PTPRT: variants seen among roughly 807,000 people sequenced by gnomAD.
PTPRT encodes receptor-type tyrosine-protein phosphatase T.
In PTPRT, 56 loss-of-function variants were observed where a neutral mutation model predicts 176.8. That is an observed-to-expected ratio of 0.32 (90% CI 0.26 to 0.40). PTPRT has a LOEUF of 0.40. Among genes scored for constraint, PTPRT ranks in the 10% least tolerant of loss-of-function variants. The pLI is 1.00. For synonymous variants in PTPRT, 783 were observed against 739.0 expected, an observed-to-expected ratio of 1.06 and a Z score of -0.96; for missense variants, 1,540 against 1,908.2, an observed-to-expected ratio of 0.81 and a Z score of 3.60.
At chr20:42,169,792 A>ACACACACACACACACACAC (rs781141603) in intron 16 of PTPRT, among the ~76,000 whole-genome samples, 1 of 95,350 alleles carries the variant, frequency 1.0e-5, no homozygotes, top group Non-Finnish European at 2.4e-5. Flanking sequence ...ACACACACAC[A>ACACACACACACACACACAC]ACAGTCAGTA....
At chr20:42,279,989 C>T (rs537095533) in intron 13 of PTPRT, among the ~76,000 whole-genome samples, 1 of 144,184 alleles carries the variant, frequency 6.9e-6, no homozygotes, top group South Asian at 2.2e-4. Flanking sequence ...AGGGAAGAGC[C>T]TTGGGAGAGA....
At chr20:42,333,748 G>T (rs768458991) in intron 11 of PTPRT, among the ~76,000 whole-genome samples, 2 of 152,064 alleles carry the variant, frequency 1.3e-5, no homozygotes, top group Admixed American at 6.6e-5. Flanking sequence ...GTGCAATCTC[G>T]GCTCAGAGCA....
intron 5 of PTPRT, among the ~76,000 whole-genome samples, chr20:42,762,900 C>T (rs2076934446): frequency 6.6e-6 from 1 of 152,194 alleles, no homozygotes; most frequent in Non-Finnish European, 1.5e-5. Context: ...TTGCCTTGCT[C>T]TTTAAAAACA....
At chr20:42,525,281 C>T (rs1327231790) in intron 7 of PTPRT, among the ~76,000 whole-genome samples, 8 of 152,100 alleles carry the variant, frequency 5.3e-5, no homozygotes, top group African/African-American at 9.7e-5. Flanking sequence ...TCATTGTTCC[C>T]GGCTCATCTT....
chr20:43,051,887 G>A (rs1376761755), intron 1 of PTPRT, among the ~76,000 whole-genome samples: 1 of 151,786 alleles, frequency 6.6e-6, no homozygotes, highest in Non-Finnish European at 1.5e-5. Context: ...ATGCCTCCAA[G>A]GGAACCAAAA....
chr20:42,556,048 G>C (rs2072855589), intron 7 of PTPRT, among the ~76,000 whole-genome samples: 1 of 152,170 alleles, frequency 6.6e-6, no homozygotes, highest in South Asian at 2.1e-4. Context: ...GCCCAGAGAA[G>C]TGATGTAACT....
chr20:42,084,308 C>T (rs771448132), intron 29 of PTPRT, among the ~76,000 whole-genome samples: 2 of 152,214 alleles, frequency 1.3e-5, no homozygotes, highest in African/African-American at 4.8e-5. Flanking sequence ...TGCCCCTGCA[C>T]AATAGTGTTC....
intron 5 of PTPRT, among the ~76,000 whole-genome samples, chr20:42,769,428 T>C (rs2077031246): frequency 6.6e-6 from 1 of 152,144 alleles, no homozygotes; most frequent in East Asian, 1.9e-4. Context: ...CGTGCTCCCA[T>C]TACACACCTA....
chr20:42,464,289 G>C (rs920981828), intron 8 of PTPRT, among the ~76,000 whole-genome samples: 6 of 152,180 alleles, frequency 3.9e-5, no homozygotes, highest in Non-Finnish European at 7.3e-5. Flanking sequence ...GATTACCAGA[G>C]TGAACAACAC....
intron 14 of PTPRT, among the ~76,000 whole-genome samples, chr20:42,246,762 A>G (rs2056459035): frequency 6.6e-6 from 1 of 152,358 alleles, no homozygotes; most frequent in Non-Finnish European, 1.5e-5. Flanking sequence ...GGCAAAGAAT[A>G]ATAAAATTTC....
chr20:42,673,369 AT>A (rs1048340637), intron 7 of PTPRT, among the ~76,000 whole-genome samples: 3 of 152,148 alleles, frequency 2.0e-5, no homozygotes, highest in Admixed American at 2.0e-4. Context: ...CTTACAGCAA[AT>A]TTCTAGGCTC....
At chr20:42,207,191 A>G (rs1159962138) in intron 15 of PTPRT, among the ~76,000 whole-genome samples, 1 of 152,158 alleles carries the variant, frequency 6.6e-6, no homozygotes, top group Admixed American at 6.5e-5. Flanking sequence ...AAAGATGGGG[A>G]AAAAACAGAA....
chr20:43,122,701 A>G (rs2867602), intron 1 of PTPRT, among the ~76,000 whole-genome samples: 72,867 of 152,052 alleles, frequency 0.48, 20,248 homozygotes, highest in Non-Finnish European at 0.64. Context: ...CTGGCTCCCC[A>G]TTCACCTTCC....
intron 12 of PTPRT, among the ~76,000 whole-genome samples, chr20:42,311,618 G>C (rs961807774): frequency 3.3e-5 from 5 of 152,016 alleles, no homozygotes; most frequent in Admixed American, 3.3e-4. Flanking sequence ...CAGAAATATG[G>C]GTAATTCTGA....
chr20:42,370,391 T>C (rs965090804), intron 9 of PTPRT, among the ~76,000 whole-genome samples: 1 of 152,204 alleles, frequency 6.6e-6, no homozygotes, highest in Non-Finnish European at 1.5e-5. Flanking sequence ...CATGCTGCCC[T>C]GCCTGGACAT....
intron 13 of PTPRT, among the ~76,000 whole-genome samples, chr20:42,265,360 T>C (rs779356041): frequency 6.6e-6 from 1 of 152,214 alleles, no homozygotes; most frequent in Non-Finnish European, 1.5e-5. Context: ...ACCCTCAGTT[T>C]CCTCATCTGT....
intron 2 of PTPRT, among the ~76,000 whole-genome samples, chr20:42,884,728 C>G (rs555604292): frequency 6.6e-6 from 1 of 152,080 alleles, no homozygotes; most frequent in Non-Finnish European, 1.5e-5. Context: ...TGGTGAAAAC[C>G]AAGACAGGTG....
chr20:42,572,925 T>G (rs1157848374), intron 7 of PTPRT, among the ~76,000 whole-genome samples: 5 of 150,420 alleles, frequency 3.3e-5, no homozygotes, highest in African/African-American at 9.8e-5. Context: ...AGTTTTTGTT[T>G]TTTTTTTTTT....
chr20:42,741,788 C>T (rs1169236878), intron 6 of PTPRT, among the ~76,000 whole-genome samples: 1 of 151,966 alleles, frequency 6.6e-6, no homozygotes, highest in Non-Finnish European at 1.5e-5. Flanking sequence ...AGGTAAGGGC[C>T]ATAGGCACAG....
Sources: gnomAD v4.1 joint callset for allele counts (sites outside exome capture counted in the v4.1 genomes callset) on GRCh38, gnomAD v4.1.1 for gene constraint, MANE v1.5 for transcripts, NCBI Gene and HGNC (gene_info 2026-07-23, HGNC 2026-07-21) for gene names.